The following HOMER2 variants were observed in gnomAD, a reference collection of about 807,000 sequenced individuals.
HOMER2 encodes homer scaffold protein 2.
In HOMER2, 27 loss-of-function variants were observed where a neutral mutation model predicts 47.0. The ratio of observed to expected loss-of-function variants is 0.57; its 90% CI spans 0.42 to 0.79. The LOEUF (loss-of-function observed/expected upper bound fraction) is 0.79, where lower values mean the gene tolerates loss of function less well. HOMER2 is among the 30% of genes least tolerant of loss of function. The pLI, the probability that HOMER2 is intolerant of heterozygous loss-of-function variation, is 0.00. For synonymous variants in HOMER2, 161 were observed against 163.8 expected (o/e 0.98, Z 0.13); for missense variants, 443 against 435.0 (o/e 1.02, Z -0.16).
chr15:82,952,652 C>G lies in HOMER2; in HGVS notation c.-117G>C. 1 of 1,007,260 alleles carries G rather than the reference C, an allele frequency of 9.9e-7. No individual in the cohort carries two copies. The allele number at this position is 1,007,260 out of a possible 1,614,324, so 62.4% of individuals were successfully genotyped here. A position where few individuals can be genotyped will look rare whatever the true frequency, so the allele number is the denominator to read the frequency against. The stretch of plus-strand genomic sequence containing the variant: ...GGCCCGTGCGCGCCCGGCTCAGCCC[C>G]GGCGCCGCTCCATTCCGCGGGGCTG... On this transcript the variant is annotated 5_prime_UTR_variant, in exon 1 of 9. Transcript: ENST00000450735.
rs574524364 is a variant in HOMER2 at position 82,898,072 on chromosome 15, TG to T, written c.6-5232del. ...TTAATCCTCCCAACAGGGCTGTGAGTGGGCAGGGCTCACCACACAGAAAATC... is the reference window on the plus strand; with the variant it reads ...TTAATCCTCCCAACAGGGCTGTGAGTGGCAGGGCTCACCACACAGAAAATC... On this transcript the variant is annotated intron_variant, in intron 1 of 8. Coordinates refer to ENST00000450735, the MANE Select transcript of HOMER2 (RefSeq NM_004839.4). Among the ~76,000 whole-genome samples, 147 of 152,140 alleles carry T rather than the reference TG, an allele frequency of 9.7e-4. 1 individual carries two copies. Among genetic ancestry groups the T allele is most frequent in the African/African-American group, 3.4e-3 (143 of 41,494 alleles).
intron 1 of HOMER2, among the ~76,000 whole-genome samples, chr15:82,915,653 A>G (rs546620329): frequency 2.0e-5 from 3 of 152,236 alleles, no homozygotes; most frequent in Non-Finnish European, 4.4e-5. Flanking sequence ...TCAAGGCTGC[A>G]GTGAGCTGCC....
At chr15:82,896,412 T>C (rs1467433527) in intron 1 of HOMER2, among the ~76,000 whole-genome samples, 2 of 152,140 alleles carry the variant, frequency 1.3e-5, no homozygotes, top group Non-Finnish European at 2.9e-5. Context: ...AAGGGTTCCA[T>C]CTCCAAATCT....
chr15:82,859,513 A>T (rs971006494), intron 4 of HOMER2, among the ~76,000 whole-genome samples: 1 of 152,170 alleles, frequency 6.6e-6, no homozygotes, highest in African/African-American at 2.4e-5. Flanking sequence ...TGGTCTCCTG[A>T]AATACCACAG....
At position 82,854,813 on chromosome 15, in the gene HOMER2, G is replaced by T. The variant is rs376932468; in HGVS notation, c.495-13C>A. 3.8e-5 allele frequency: 61 copies of T among 1,601,998 alleles called. No individual in the cohort carries two copies. Among genetic ancestry groups the T allele is most frequent in the Non-Finnish European group, 5.0e-5 (59 of 1,177,142 alleles). On this transcript the variant is annotated splice_polypyrimidine_tract_variant and intron_variant, in intron 5 of 8. Transcript: ENST00000450735. ...CACGTTGGCTGCGCTGCAGGACAGG[G>T]ACGGGCGGTGACGACGGGGTGGGTG...
chr15:82,878,150 G>A (rs1441118975), intron 2 of HOMER2, among the ~76,000 whole-genome samples: 1 of 152,168 alleles, frequency 6.6e-6, no homozygotes, highest in East Asian at 1.9e-4. Flanking sequence ...TATGCCCCTA[G>A]GTCAGTCACC....
intron 3 of HOMER2, among the ~76,000 whole-genome samples, chr15:82,866,033 T>C (rs542165891): frequency 1.2e-3 from 184 of 152,238 alleles, no homozygotes; most frequent in Non-Finnish European, 1.5e-3. Context: ...AGGGCCACCA[T>C]CCTCCAGACC....
At chr15:82,946,118 G>A (rs1259042534) in intron 1 of HOMER2, among the ~76,000 whole-genome samples, 1 of 152,122 alleles carries the variant, frequency 6.6e-6, no homozygotes, top group African/African-American at 2.4e-5. Flanking sequence ...AGTTCCTCAG[G>A]AGCCATTCCA....
chr15:82,881,938 C>A (rs149520256), intron 2 of HOMER2, among the ~76,000 whole-genome samples: 149 of 152,326 alleles, frequency 9.8e-4, no homozygotes, highest in African/African-American at 3.5e-3. Flanking sequence ...CACAGGCAGG[C>A]AGTTTCTCAT....
intron 2 of HOMER2, among the ~76,000 whole-genome samples, chr15:82,890,821 G>A (rs917048694): frequency 6.6e-5 from 10 of 152,188 alleles, no homozygotes; most frequent in African/African-American, 2.4e-4. Flanking sequence ...AAGAAAGCAG[G>A]TCAGCTTGAT....
At chr15:82,953,776 C>T (rs1432870922), upstream of HOMER2, among the ~76,000 whole-genome samples, 2 of 152,136 alleles carry the variant, frequency 1.3e-5, no homozygotes, top group African/African-American at 2.4e-5. Flanking sequence ...CCAGCTACTC[C>T]GGAGGCTGAC....
At chr15:82,866,223 G>A (rs114549523) in intron 3 of HOMER2, among the ~76,000 whole-genome samples, 4,737 of 145,088 alleles carry the variant, frequency 0.033, 228 homozygotes, top group African/African-American at 0.11. Flanking sequence ...TGTGAGACAT[G>A]GATTAAAAGG....
At chr15:82,880,935 T>G (rs1357022279) in intron 2 of HOMER2, among the ~76,000 whole-genome samples, 1 of 151,920 alleles carries the variant, frequency 6.6e-6, no homozygotes, top group Non-Finnish European at 1.5e-5. Context: ...AGGGTGAGTG[T>G]GTGAAGGATG....
At chr15:82,943,053 AG>A (rs543134780) in intron 1 of HOMER2, among the ~76,000 whole-genome samples, 46 of 152,338 alleles carry the variant, frequency 3.0e-4, no homozygotes, top group African/African-American at 1.0e-3. Context: ...ACCTAACTCC[AG>A]ACGGTGCCCA....
At chr15:82,948,958 A>G (rs1376991830) in intron 1 of HOMER2, among the ~76,000 whole-genome samples, 9 of 152,310 alleles carry the variant, frequency 5.9e-5, no homozygotes, top group African/African-American at 2.2e-4. Context: ...GAAAGAGGTG[A>G]TGGTGGCTAG....
chr15:82,915,620 G>T (rs972160052), intron 1 of HOMER2, among the ~76,000 whole-genome samples: 2 of 152,262 alleles, frequency 1.3e-5, no homozygotes, highest in African/African-American at 2.4e-5. Flanking sequence ...GCTAACGTGG[G>T]AGGATTGCCT....
chr15:82,906,562 A>C (rs932427267), intron 1 of HOMER2, among the ~76,000 whole-genome samples: 7 of 151,864 alleles, frequency 4.6e-5, no homozygotes, highest in African/African-American at 1.7e-4. Flanking sequence ...CCTCCTGAGT[A>C]GCTGGGATTA....
At chr15:82,877,331 G>A (rs1041380810) in intron 2 of HOMER2, among the ~76,000 whole-genome samples, 1 of 152,042 alleles carries the variant, frequency 6.6e-6, no homozygotes, top group Admixed American at 6.6e-5. Flanking sequence ...CACCACACCC[G>A]ACAAATTTTT....
intron 1 of HOMER2, among the ~76,000 whole-genome samples, chr15:82,929,711 TAC>T (rs1186663603): frequency 6.6e-6 from 1 of 151,400 alleles, no homozygotes; most frequent in Non-Finnish European, 1.5e-5. Context: ...TCCACCCTGT[TAC>T]AGGTATGCTA....
Sources: gnomAD v4.1 joint callset for allele counts (sites outside exome capture counted in the v4.1 genomes callset) on GRCh38, gnomAD v4.1.1 for gene constraint, MANE v1.5 for transcripts, NCBI Gene and HGNC (gene_info 2026-07-23, HGNC 2026-07-21) for gene names.